PUSL1: variants seen among roughly 807,000 people sequenced by gnomAD.
The protein encoded by PUSL1 is pseudouridine synthase like 1.
A neutral mutation model predicts 30.7 loss-of-function variants in PUSL1; 51 were observed. That is an observed-to-expected ratio of 1.66 (90% CI 1.33 to 2.10). The LOEUF (loss-of-function observed/expected upper bound fraction) is 2.10, where lower values mean the gene tolerates loss of function less well. Ranked by LOEUF, PUSL1 falls within the 30% of genes most tolerant of loss-of-function variation. The pLI is 0.00. For missense variants in PUSL1, 609 were observed against 427.6 expected (o/e 1.42, Z -3.74); for synonymous variants, 290 against 192.1 (o/e 1.51, Z -4.21).
chr1:1,309,760 G>A lies in PUSL1; in HGVS notation c.553G>A (p.Gly185Ser). 2 of 1,583,218 alleles carry A rather than the reference G, an allele frequency of 1.3e-6. No individual in the cohort carries two copies. Among genetic ancestry groups the A allele is most frequent in the East Asian group, 2.3e-5 (1 of 43,124 alleles). Residue 185 changes from glycine (G) to serine (S), a missense_variant, in exon 5 of 8, where the codon GGC becomes AGC. By Grantham distance (56) the Gly-to-Ser change is moderately conservative. Transcript: ENST00000379031. ...CGACTTCAGCGCCTTCCAGTCCGCT[G>A]GCAGCCCGGTGCCGAGCCCCGTGCG... ...THDFSAFQSA[G>S]SPVPSPVRTL...
chr1:1,308,658 G>A lies in PUSL1; in HGVS notation c.15G>A (p.Pro5=). The change falls in exon 1 of 8, where the codon CCG becomes CCA. Residue 5 remains proline (P), a synonymous_variant. Transcript: ENST00000379031. MSSA[P]ASGSVRARYL... is the part of the protein sequence containing the mutation. ...TGGGCTCCGCCATGAGTTCGGCGCCGGCCTCAGGCTCCGTGCGCGCGCGCT... is the reference window on the plus strand; with the variant it reads ...TGGGCTCCGCCATGAGTTCGGCGCCAGCCTCAGGCTCCGTGCGCGCGCGCT... 6.5e-7 allele frequency: 1 copy of A among 1,530,832 alleles called. No individual in the cohort carries two copies. The highest frequency in any genetic ancestry group is 2.8e-5 in the East Asian group (1 of 35,486). The allele number at this position is 1,530,832 out of a possible 1,614,324, so 94.8% of individuals were successfully genotyped here.
At position 1,311,639 on chromosome 1, in the gene PUSL1, C is replaced by T. The variant is rs766964154; in HGVS notation, c.*260C>T. 3.4e-5 allele frequency: 24 copies of T among 709,928 alleles called. No homozygotes were observed. Among genetic ancestry groups the T allele is most frequent in the East Asian group, 8.1e-5 (3 of 36,956 alleles). 44.0% of individuals were successfully genotyped at this position (709,928 alleles called of 1,614,324 possible). A position where few individuals can be genotyped will look rare whatever the true frequency, so the allele number is the denominator to read the frequency against. On this transcript the variant is annotated 3_prime_UTR_variant, in exon 8 of 8. Coordinates refer to ENST00000379031, the MANE Select transcript of PUSL1 (RefSeq NM_153339.3). ...TTTACTGGAAACTGCTGTCTAGGAC[C>T]ACCTGCCCTAACCAGGAATAAAGGC...
rs958028263 is a variant in PUSL1, at chr1:1,311,653, A to G, written c.*274A>G. 37 of 711,254 alleles carry G rather than the reference A, an allele frequency of 5.2e-5. No homozygotes were observed. The highest frequency in any genetic ancestry group is 7.8e-5 in the Non-Finnish European group (31 of 397,080). The allele number at this position is 711,254 out of a possible 1,614,324, so 44.1% of individuals were successfully genotyped here. On this transcript the variant is annotated 3_prime_UTR_variant, in exon 8 of 8. Transcript: ENST00000379031. ...CTGTCTAGGACCACCTGCCCTAACC[A>G]GGAATAAAGGCAAGACAGCCTGGAG...
Position 1,308,634 on chromosome 1 carries a change from G to A in PUSL1, c.-10G>A. 1 of 1,502,380 alleles carries A rather than the reference G, an allele frequency of 6.7e-7. No individual in the cohort carries two copies. Among genetic ancestry groups the A allele is most frequent in the Non-Finnish European group, 8.9e-7 (1 of 1,127,464 alleles). The allele number at this position is 1,502,380 out of a possible 1,614,324, so 93.1% of individuals were successfully genotyped here. The stretch of plus-strand genomic sequence containing the variant: ...GAGGCCGCCTCTGACGCCACCGGCT[G>A]GGCTCCGCCATGAGTTCGGCGCCGG... On this transcript the variant is annotated 5_prime_UTR_variant, in exon 1 of 8. Coordinates refer to ENST00000379031, the MANE Select transcript of PUSL1 (RefSeq NM_153339.3).
At chr1:1,310,611 C>A (rs371976174) in intron 5 of PUSL1, 23 bp from the exon 6 acceptor site, 1 of 1,534,930 alleles carries the variant, frequency 6.5e-7, no homozygotes. Context: ...CCCACAGACA[C>A]CTACAGGTAC....
Position 1,311,328 on chromosome 1 carries a change from A to C in PUSL1, c.863-2A>C. On this transcript the variant is annotated splice_acceptor_variant, in intron 7 of 7. Transcript: ENST00000379031. LOFTEE classifies it high-confidence loss of function. The stretch of plus-strand genomic sequence containing the variant: ...CTGACGCAGGGTCTGGTCCGTCCAC[A>C]GGTGCTGCCTCCTGCACCCTGCAGG... The C allele has an allele frequency of 6.4e-7, 1 of 1,571,956 alleles. No individual in the cohort carries two copies. The highest frequency in any genetic ancestry group is 8.6e-7 in the Non-Finnish European group (1 of 1,156,092).
rs1025432408 is a variant in PUSL1 at position 1,309,761 on chromosome 1, G to A, written c.554G>A (p.Gly185Asp). Residue 185 changes from glycine (G) to aspartate (D), a missense_variant, in exon 5 of 8, where the codon GGC (glycine) becomes GAC (aspartate). By Grantham distance (94) the Gly-to-Asp change is moderately conservative (BLOSUM62 -1). Transcript: ENST00000379031. The stretch of plus-strand genomic sequence containing the variant: ...GACTTCAGCGCCTTCCAGTCCGCTG[G>A]CAGCCCGGTGCCGAGCCCCGTGCGA... ...THDFSAFQSA[G>D]SPVPSPVRTL... is the part of the protein sequence containing the mutation. The A allele has an allele frequency of 1.3e-6, 2 of 1,579,322 alleles. No homozygotes were observed. Among genetic ancestry groups the A allele is most frequent in the African/African-American group, 1.3e-5 (1 of 74,232 alleles).
chr1:1,308,653 G>C lies in PUSL1; in HGVS notation c.10G>C (p.Ala4Pro), dbSNP rs1212000768. 1.2e-5 allele frequency: 18 copies of C among 1,531,274 alleles called. No individual in the cohort carries two copies. The highest frequency in any genetic ancestry group is 4.1e-5 in the Admixed American group (2 of 48,580). The allele number at this position is 1,531,274 out of a possible 1,614,324, so 94.9% of individuals were successfully genotyped here. A position where few individuals can be genotyped will look rare whatever the true frequency, so the allele number is the denominator to read the frequency against. ...CCGGCTGGGCTCCGCCATGAGTTCG[G>C]CGCCGGCCTCAGGCTCCGTGCGCGC... MSSAPASGSVRARY... is the reference protein window; with the variant it reads MSSPPASGSVRARY... The change falls in exon 1 of 8, where the codon GCG (alanine) becomes CCG (proline). Residue 4 changes from alanine (A) to proline (P), a missense_variant. Ala to Pro is a conservative substitution (Grantham distance 27). Coordinates refer to ENST00000379031, the MANE Select transcript of PUSL1 (RefSeq NM_153339.3).
Position 1,309,462 on chromosome 1 carries a change from G to A in PUSL1, c.332G>A (p.Arg111Gln). ...TTTACCTGCCGCCATAGGGTCCTGC[G>A]GGCCTTCCGAGTGCCCAGCGACTTC... ...HLRHPAIRVL[R>Q]AFRVPSDFHA... The change falls in exon 4 of 8, where the codon CGG (arginine) becomes CAG (glutamine). Residue 111 changes from arginine (R) to glutamine (Q), a missense_variant. Arg to Gln is a conservative substitution (Grantham distance 43). Coordinates refer to ENST00000379031, the MANE Select transcript of PUSL1 (RefSeq NM_153339.3). 1.2e-6 allele frequency: 2 copies of A among 1,602,044 alleles called. No individual in the cohort carries two copies. Among genetic ancestry groups the A allele is most frequent in the South Asian group, 1.1e-5 (1 of 89,626 alleles).
At chr1:1,310,860 G>C (rs940735332) in intron 6 of PUSL1, 49 bp from the exon 7 acceptor site, 1 of 1,604,908 alleles carries the variant, frequency 6.2e-7, no homozygotes, top group East Asian at 2.2e-5. Flanking sequence ...TGACGGCTGT[G>C]CTGGTGGGTC....
chr1:1,311,484 T>A lies in PUSL1; in HGVS notation c.*105T>A. 8.3e-7 allele frequency: 1 copy of A among 1,211,282 alleles called. No individual in the cohort carries two copies. 75.0% of individuals were successfully genotyped at this position (1,211,282 alleles called of 1,614,324 possible). The stretch of plus-strand genomic sequence containing the variant: ...GGGCCCACAGCACTGCTGCCTGGTC[T>A]CCACAGTAGCCTCCCTGCCCGGGTC... On this transcript the variant is annotated 3_prime_UTR_variant, in exon 8 of 8. Transcript: ENST00000379031.
Position 1,310,990 on chromosome 1 carries a change from C to G in PUSL1, c.781C>G (p.Gln261Glu). Reference sequence around the variant, plus strand: ...CCAGGTGAAGACGATTCTGGAGAGCCAAGATCCCCTGGGCAAGCACCAGAC... The same window carrying G: ...CCAGGTGAAGACGATTCTGGAGAGCGAAGATCCCCTGGGCAAGCACCAGAC... ...PAQVKTILES[Q>E]DPLGKHQTRV... The change falls in exon 7 of 8, where the codon CAA (glutamine) becomes GAA (glutamate). Residue 261 changes from glutamine to glutamate, a missense_variant. Gln to Glu is a conservative substitution (Grantham distance 29, BLOSUM62 2). Transcript: ENST00000379031. 2 of 1,612,166 alleles carry G rather than the reference C, an allele frequency of 1.2e-6. No individual in the cohort carries two copies. Among genetic ancestry groups the G allele is most frequent in the Non-Finnish European group, 8.5e-7 (1 of 1,179,944 alleles).
At chr1:1,309,654 T>C in intron 4 of PUSL1, 27 bp from the exon 5 acceptor site, 1 of 1,596,634 alleles carries the variant, frequency 6.3e-7, no homozygotes, top group South Asian at 1.1e-5. Flanking sequence ...GGCCCCACCC[T>C]CCTGACGGTC....
At chr1:1,310,603 C>T (rs756775559) in intron 5 of PUSL1, 31 bp from the exon 6 acceptor site, 3 of 1,501,906 alleles carry the variant, frequency 2.0e-6, no homozygotes, top group Admixed American at 1.9e-5. Context: ...AACACTGCCC[C>T]ACAGACACCT....
chr1:1,310,244 G>A (rs534998930), intron 5 of PUSL1: 3 of 342,718 alleles, frequency 8.8e-6, no homozygotes, highest in Non-Finnish European at 1.6e-5. Context: ...AGCCCTGAAG[G>A]GGGGAAGAAC....
At chr1:1,311,099 T>A in intron 7 of PUSL1, 28 bp downstream of exon 7, 1 of 1,576,548 alleles carries the variant, frequency 6.3e-7, no homozygotes, top group Admixed American at 1.7e-5. Context: ...GAGAAGCTCC[T>A]GTCATGTGCC....
chr1:1,311,302 G>A (rs762676170), intron 7 of PUSL1, 28 bp from the exon 8 acceptor site: 29 of 1,526,414 alleles, frequency 1.9e-5, no homozygotes, highest in Non-Finnish European at 2.3e-5. Context: ...CTTGCCCCAG[G>A]CTGACGCAGG....
At chr1:1,311,115 A>T in intron 7 of PUSL1, 44 bp downstream of exon 7, 1 of 1,561,744 alleles carries the variant, frequency 6.4e-7, no homozygotes, top group South Asian at 1.2e-5. Context: ...GTGCCCAGTG[A>T]CTACTGTGGC....
In PUSL1 at chr1:1,310,665, AG is replaced by A; in HGVS notation, c.677del (p.Ser226ThrfsTer12). The A allele has an allele frequency of 3.8e-6, 6 of 1,587,562 alleles. 1 individual carries two copies. The Middle Eastern group carries it at 1.0e-3, about 267-fold the overall frequency. ...KLRFWNLEFE[S>X]QSFLYRQVRR... ...GCGGTTCTGGAACCTGGAGTTTGAG[AG>A]CCAGTCTTTCCTGTATAGACAGGTA... On this transcript the variant is annotated frameshift_variant, in exon 6 of 8. Transcript: ENST00000379031. LOFTEE classifies it high-confidence loss of function.
Sources: allele counts gnomAD v4.1 joint callset, GRCh38; gene constraint gnomAD v4.1.1; transcripts MANE v1.5; gene names NCBI Gene and HGNC (gene_info 2026-07-23, HGNC 2026-07-21).